TINAG: variants seen among roughly 807,000 people sequenced by gnomAD.
TINAG encodes tubulointerstitial nephritis antigen.
In TINAG, 83 loss-of-function variants were observed where a neutral mutation model predicts 72.7. That is an observed-to-expected ratio of 1.14 (90% CI 0.96 to 1.37). The LOEUF (loss-of-function observed/expected upper bound fraction) is 1.37, where lower values mean the gene tolerates loss of function less well. TINAG is among the 40% of genes most tolerant of loss of function. The pLI is 0.00. For synonymous variants in TINAG, 234 were observed against 189.9 expected, an observed-to-expected ratio of 1.23 and a Z score of -1.91; for missense variants, 685 against 576.6, an observed-to-expected ratio of 1.19 and a Z score of -1.93.
chr6:54,370,210 C>T (rs923685305), intron 9 of TINAG, among the ~76,000 whole-genome samples: 1 of 152,078 alleles, frequency 6.6e-6, no homozygotes, highest in Non-Finnish European at 1.5e-5. Flanking sequence ...GCTCAAATGT[C>T]ATTACAATAT....
intron 1 of TINAG, among the ~76,000 whole-genome samples, chr6:54,315,816 T>G (rs966934905): frequency 3.3e-5 from 5 of 152,210 alleles, no homozygotes; most frequent in African/African-American, 1.2e-4. Flanking sequence ...GTAGACCATC[T>G]GCTGTGAACA....
In TINAG at chr6:54,328,288, T is replaced by G. The variant is rs577621660; in HGVS notation, c.624+1372T>G. Among the ~76,000 whole-genome samples the G allele has an allele frequency of 2.0e-5, 3 of 152,194 alleles. No individual in the cohort carries two copies. In the East Asian group the frequency reaches 5.8e-4, roughly 29 times the overall value. ...AGAGGAAGGAGCAGGCAGCAATCTTTGCTGTTCTGAAGGCCCTGCTGGTGA... is the reference window on the plus strand; with the variant it reads ...AGAGGAAGGAGCAGGCAGCAATCTTGGCTGTTCTGAAGGCCCTGCTGGTGA... On this transcript the variant is annotated intron_variant, in intron 4 of 10. Coordinates refer to ENST00000259782, the MANE Select transcript of TINAG (RefSeq NM_014464.4).
Position 54,349,897 on chromosome 6 carries a change from G to C in TINAG, c.1080+1G>C, listed in dbSNP as rs750378512. The C allele has an allele frequency of 1.9e-6, 3 of 1,544,196 alleles. No individual in the cohort carries two copies. The highest frequency in any genetic ancestry group is 1.8e-6 in the Non-Finnish European group (2 of 1,138,440). On this transcript the variant is annotated splice_donor_variant, in intron 7 of 10. Coordinates refer to ENST00000259782, the MANE Select transcript of TINAG (RefSeq NM_014464.4). LOFTEE classifies it high-confidence loss of function. ...TCCTCCATACAGAGTCTCTTCCAAC[G>C]TAAGTATAAATGGCAAGAATCAAGA...
At chr6:54,336,682 A>C (rs1784872244) in intron 4 of TINAG, among the ~76,000 whole-genome samples, 1 of 152,174 alleles carries the variant, frequency 6.6e-6, no homozygotes, top group Admixed American at 6.5e-5. Flanking sequence ...GCAATTTTGA[A>C]ATTATTTTTA....
chr6:54,322,360 A>G (rs1784512229), intron 3 of TINAG, among the ~76,000 whole-genome samples: 1 of 152,052 alleles, frequency 6.6e-6, no homozygotes, highest in African/African-American at 2.4e-5. Flanking sequence ...ACATAAAAAG[A>G]TACAGGCGCC....
At chr6:54,310,599 C>A (rs1423714452) in intron 1 of TINAG, among the ~76,000 whole-genome samples, 3 of 139,962 alleles carry the variant, frequency 2.1e-5, no homozygotes, top group African/African-American at 8.3e-5. Flanking sequence ...TCTTTCTTTT[C>A]TTTCTCTCTC....
At chr6:54,359,244 A>G (rs1357286162) in intron 9 of TINAG, among the ~76,000 whole-genome samples, 1 of 151,824 alleles carries the variant, frequency 6.6e-6, no homozygotes. Flanking sequence ...AGCTCTACCT[A>G]AGTTCCATTT....
At chr6:54,375,729 A>G (rs1039497747) in intron 9 of TINAG, among the ~76,000 whole-genome samples, 1 of 152,176 alleles carries the variant, frequency 6.6e-6, no homozygotes, top group Non-Finnish European at 1.5e-5. Context: ...TTAAAAGAAC[A>G]AACAACGTTA....
chr6:54,371,693 T>C (rs996051824), intron 9 of TINAG, among the ~76,000 whole-genome samples: 1 of 152,020 alleles, frequency 6.6e-6, no homozygotes, highest in African/African-American at 2.4e-5. Flanking sequence ...CGATAAAATT[T>C]TTTATGATCT....
chr6:54,376,463 C>G (rs1327363961), intron 9 of TINAG, among the ~76,000 whole-genome samples: 1 of 152,142 alleles, frequency 6.6e-6, no homozygotes, highest in Admixed American at 6.6e-5. Context: ...ATTTTCAACC[C>G]TCTCTTATTT....
chr6:54,363,587 T>C (rs1763309170), intron 9 of TINAG, among the ~76,000 whole-genome samples: 1 of 147,146 alleles, frequency 6.8e-6, no homozygotes. Context: ...AGTTTAGAGA[T>C]GTTTTTGAGA....
intron 9 of TINAG, among the ~76,000 whole-genome samples, chr6:54,374,443 GTGGAGTC>G (rs1763721659): frequency 6.6e-6 from 1 of 152,046 alleles, no homozygotes; most frequent in South Asian, 2.1e-4. Context: ...TTGCTTTCCT[GTGGAGTC>G]TGTTTCTATC....
chr6:54,347,011 G>A (rs972880654), intron 5 of TINAG, among the ~76,000 whole-genome samples: 4 of 151,982 alleles, frequency 2.6e-5, no homozygotes, highest in Non-Finnish European at 5.9e-5. Flanking sequence ...ACTGTTCTAG[G>A]TACAGGAAAT....
chr6:54,348,470 C>T (rs901302431), intron 6 of TINAG, among the ~76,000 whole-genome samples: 2 of 152,026 alleles, frequency 1.3e-5, no homozygotes, highest in East Asian at 3.9e-4. Flanking sequence ...ATTCCATAGA[C>T]TGAGTGTCTT....
intron 4 of TINAG, among the ~76,000 whole-genome samples, chr6:54,339,541 C>T (rs912713425): frequency 2.6e-5 from 4 of 151,852 alleles, no homozygotes; most frequent in Non-Finnish European, 4.4e-5. Flanking sequence ...CCTGGGTAGG[C>T]GGGTTGAGGG....
intron 4 of TINAG, among the ~76,000 whole-genome samples, chr6:54,340,639 G>C (rs1393311283): frequency 6.6e-6 from 1 of 152,024 alleles, no homozygotes; most frequent in Non-Finnish European, 1.5e-5. Flanking sequence ...TCAAATCCTA[G>C]GAGCTCATTT....
intron 6 of TINAG, 27 bp from the exon 7 acceptor site, chr6:54,349,689 C>A (rs924628689): frequency 2.0e-6 from 3 of 1,503,022 alleles, no homozygotes; most frequent in East Asian, 2.4e-5. Context: ...TAAATATTAC[C>A]TTTGCTTCTT....
chr6:54,359,111 CAG>C (rs749457898), intron 9 of TINAG, among the ~76,000 whole-genome samples: 3 of 151,796 alleles, frequency 2.0e-5, no homozygotes, highest in African/African-American at 7.3e-5. Flanking sequence ...TTATTAAAGA[CAG>C]AAATCATTAA....
At chr6:54,318,905 A>T (rs1784430564) in intron 1 of TINAG, among the ~76,000 whole-genome samples, 1 of 152,114 alleles carries the variant, frequency 6.6e-6, no homozygotes, top group Non-Finnish European at 1.5e-5. Context: ...AAGTGAATGC[A>T]ATGTCTCAGT....
Sources: gnomAD v4.1 joint callset for allele counts (sites outside exome capture counted in the v4.1 genomes callset) on GRCh38, gnomAD v4.1.1 for gene constraint, MANE v1.5 for transcripts, NCBI Gene and HGNC (gene_info 2026-07-23, HGNC 2026-07-21) for gene names.